The following CAST variants were observed in gnomAD, a reference collection of about 807,000 sequenced individuals.
CAST encodes the protein calpastatin, also known as MIR583 host.
In CAST, 76 loss-of-function variants were observed where a neutral mutation model predicts 119.6. The observed-to-expected ratio is 0.64, with a 90% CI of 0.53 to 0.77. CAST has a LOEUF of 0.77. Among genes scored for constraint, CAST ranks in the 30% least tolerant of loss-of-function variants. The pLI, the probability that CAST is intolerant of heterozygous loss-of-function variation, is 0.00. For synonymous variants in CAST, 319 were observed against 331.6 expected, an observed-to-expected ratio of 0.96 and a Z score of 0.41; for missense variants, 953 against 946.5, an observed-to-expected ratio of 1.01 and a Z score of -0.09.
intron 3 of CAST, among the ~76,000 whole-genome samples, chr5:96,719,878 C>A (rs572738684): frequency 6.6e-6 from 1 of 152,098 alleles, no homozygotes. Context: ...CCAGCCTGAG[C>A]GATCCCTCCT....
chr5:96,584,892 C>T (rs1746831724), intron 1 of CAST: 1 of 152,306 alleles, frequency 6.6e-6, no homozygotes, highest in Non-Finnish European at 1.5e-5. Context: ...GCTGCAGGAA[C>T]AGGAAACAAA....
chr5:96,563,920 A>G (rs904064815), intron 1 of CAST, among the ~76,000 whole-genome samples: 5 of 152,210 alleles, frequency 3.3e-5, no homozygotes, highest in African/African-American at 1.2e-4. Context: ...AGCAAGACTC[A>G]GGCTGTCAGC....
the CAST span, among the ~76,000 whole-genome samples, chr5:96,114,937 T>G: frequency 2.6e-5 from 4 of 152,220 alleles, no homozygotes; most frequent in Non-Finnish European, 4.4e-5. Flanking sequence ...CTCAAGCAAG[T>G]GACTCACAAT....
At chr5:96,400,239 C>A in the CAST span, 1 of 1,251,906 alleles carries the variant, frequency 8.0e-7, no homozygotes, top group Non-Finnish European at 1.2e-6. Context: ...AGTTTCCTTG[C>A]AAAAGCAAGT....
At chr5:96,416,120 G>T in the CAST span, 1 of 1,602,116 alleles carries the variant, frequency 6.2e-7, no homozygotes. Context: ...CTGGTCCCGT[G>T]TCTGAGGATT....
chr5:96,459,237 G>A, the CAST span, among the ~76,000 whole-genome samples: 5 of 152,170 alleles, frequency 3.3e-5, no homozygotes, highest in Non-Finnish European at 5.9e-5. Context: ...GGCTGGTTAG[G>A]GTGCTCCCGT....
the CAST span, among the ~76,000 whole-genome samples, chr5:96,052,445 T>C: frequency 0.06 from 9,200 of 152,278 alleles, 569 homozygotes; most frequent in African/African-American, 0.14. Context: ...ATATCTCTGG[T>C]TAGGTGCCCA....
the CAST span, among the ~76,000 whole-genome samples, chr5:96,119,459 G>A: frequency 6.6e-6 from 1 of 152,076 alleles, no homozygotes; most frequent in Non-Finnish European, 1.5e-5. Context: ...TTCCTAAGTG[G>A]CAAAATTGAC....
the CAST span, among the ~76,000 whole-genome samples, chr5:96,514,103 C>T: frequency 6.6e-6 from 1 of 152,198 alleles, no homozygotes; most frequent in Non-Finnish European, 1.5e-5. Flanking sequence ...ATGACCTCAT[C>T]TTAATAACTA....
At chr5:96,510,863 C>T in the CAST span, among the ~76,000 whole-genome samples, 1 of 152,186 alleles carries the variant, frequency 6.6e-6, no homozygotes, top group African/African-American at 2.4e-5. Context: ...AAAAACAAGA[C>T]TGAGAAAAAT....
the CAST span, among the ~76,000 whole-genome samples, chr5:96,185,255 G>T: frequency 1.3e-5 from 2 of 152,008 alleles, no homozygotes; most frequent in Non-Finnish European, 2.9e-5. Flanking sequence ...TTAGACCTTC[G>T]TCAGATGAAT....
At chr5:96,406,139 GAGA>G in the CAST span, among the ~76,000 whole-genome samples, 1 of 152,106 alleles carries the variant, frequency 6.6e-6, no homozygotes, top group Non-Finnish European at 1.5e-5. Context: ...ATCTTAGGAA[GAGA>G]AGAAGTTTGT....
chr5:96,771,805 C>T (rs1772470080), intron 31 of CAST, 103 bp downstream of exon 31: 5 of 687,626 alleles, frequency 7.3e-6, no homozygotes, highest in Non-Finnish European at 1.3e-5. Flanking sequence ...AATTCATGCT[C>T]ACTTTACAGT....
At chr5:96,428,707 A>T in the CAST span, among the ~76,000 whole-genome samples, 1 of 152,222 alleles carries the variant, frequency 6.6e-6, no homozygotes, top group Non-Finnish European at 1.5e-5. Flanking sequence ...CTAGCTCCTT[A>T]TACAGCAAAA....
the CAST span, among the ~76,000 whole-genome samples, chr5:96,118,970 A>C: frequency 6.6e-6 from 1 of 152,150 alleles, no homozygotes; most frequent in East Asian, 1.9e-4. Flanking sequence ...CATTATACAG[A>C]GAGCAGCAAG....
At chr5:96,528,253 G>A (rs1261584276), upstream of CAST, among the ~76,000 whole-genome samples, 2 of 152,146 alleles carry the variant, frequency 1.3e-5, no homozygotes, top group Non-Finnish European at 2.9e-5. Flanking sequence ...TCATAATAAA[G>A]CATTTTTAAG....
At chr5:96,204,092 T>C in the CAST span, among the ~76,000 whole-genome samples, 1 of 152,028 alleles carries the variant, frequency 6.6e-6, no homozygotes, top group Non-Finnish European at 1.5e-5. Context: ...TCTTTTCTCT[T>C]AACTTAGTAA....
intron 25 of CAST, among the ~76,000 whole-genome samples, chr5:96,763,441 C>T (rs1277425977): frequency 6.6e-6 from 1 of 152,170 alleles, no homozygotes; most frequent in Non-Finnish European, 1.5e-5. Context: ...TCATTAATAG[C>T]CTAGGCTGCC....
the CAST span, among the ~76,000 whole-genome samples, chr5:96,058,545 C>T: frequency 1.5e-5 from 2 of 133,694 alleles, no homozygotes; most frequent in Admixed American, 7.4e-5. Flanking sequence ...CAGAAGGGCT[C>T]TAAGAAAGCT....
Sources: gnomAD v4.1 joint callset for allele counts (sites outside exome capture counted in the v4.1 genomes callset) on GRCh38, gnomAD v4.1.1 for gene constraint, MANE v1.5 for transcripts, NCBI Gene and HGNC (gene_info 2026-07-23, HGNC 2026-07-21) for gene names.